The following CD86 variants were observed in gnomAD, a reference collection of about 807,000 sequenced individuals.
CD86 encodes the protein T-lymphocyte activation antigen CD86.
In CD86, 11 loss-of-function variants were observed where a neutral mutation model predicts 32.1. The ratio of observed to expected loss-of-function variants is 0.34; its 90% CI spans 0.22 to 0.57. The LOEUF (loss-of-function observed/expected upper bound fraction) is 0.57. Among genes scored for constraint, CD86 ranks in the 20% least tolerant of loss-of-function variants. The pLI, the probability that CD86 is intolerant of heterozygous loss-of-function variation, is 0.86. For synonymous variants in CD86, 137 were observed against 135.3 expected, an observed-to-expected ratio of 1.01 and a Z score of -0.09; for missense variants, 359 against 398.4, an observed-to-expected ratio of 0.90 and a Z score of 0.84.
chr3:122,070,206 A>G (rs1338175050), intron 1 of CD86, among the ~76,000 whole-genome samples: 2 of 152,186 alleles, frequency 1.3e-5, no homozygotes, highest in Non-Finnish European at 2.9e-5. Context: ...AGACATCTAG[A>G]CAAAAATGTG....
chr3:122,073,655 G>A (rs2072519603), intron 1 of CD86, among the ~76,000 whole-genome samples: 1 of 152,150 alleles, frequency 6.6e-6, no homozygotes, highest in East Asian at 1.9e-4. Flanking sequence ...AGTCCTGGGG[G>A]CTGTGGTTGA....
Position 122,103,688 on chromosome 3 carries a change from A to G in CD86, c.241A>G (p.Lys81Glu), listed in dbSNP as rs371444245. The change falls in exon 3 of 7, where the codon AAG (lysine) becomes GAG (glutamate). Residue 81 changes from lysine (K) to glutamate (E), a missense_variant. Physicochemically the swap from Lys to Glu is moderately conservative, Grantham distance 56 (BLOSUM62 1). Coordinates refer to ENST00000330540, the MANE Select transcript of CD86 (RefSeq NM_175862.5). ...AGAGAAATTTGACAGTGTTCATTCC[A>G]AGTATATGGGCCGCACAAGTTTTGA... ...GKEKFDSVHS[K>E]YMGRTSFDSD... The G allele has an allele frequency of 3.7e-6, 6 of 1,613,946 alleles. No individual in the cohort carries two copies. The highest frequency in any genetic ancestry group is 5.1e-6 in the Non-Finnish European group (6 of 1,179,948).
chr3:122,103,493 C>A lies in CD86; in HGVS notation c.65-19C>A, dbSNP rs1462250687. On this transcript the variant is annotated intron_variant, in intron 2 of 6. Coordinates refer to ENST00000330540, the MANE Select transcript of CD86 (RefSeq NM_175862.5). The stretch of plus-strand genomic sequence containing the variant: ...TTCCTCTTGTTTCTCCCTCCCTAAT[C>A]CTTAACCTTCTTTTTTAGGTGCTGC... 2.5e-6 allele frequency: 4 copies of A among 1,572,818 alleles called. No homozygotes were observed. Among genetic ancestry groups the A allele is most frequent in the Non-Finnish European group, 3.5e-6 (4 of 1,153,688 alleles).
At chr3:122,098,249 T>A (rs2072940013) in intron 2 of CD86, among the ~76,000 whole-genome samples, 1 of 152,212 alleles carries the variant, frequency 6.6e-6, no homozygotes, top group South Asian at 2.1e-4. Flanking sequence ...CAGGATGCTA[T>A]CTTCAATAGA....
chr3:122,099,212 G>A (rs2072957802), intron 2 of CD86, among the ~76,000 whole-genome samples: 4 of 152,148 alleles, frequency 2.6e-5, no homozygotes. Flanking sequence ...GCATTTCAAT[G>A]AGGAGAGATG....
chr3:122,100,596 G>A (rs1040758661), intron 2 of CD86, among the ~76,000 whole-genome samples: 4 of 152,164 alleles, frequency 2.6e-5, no homozygotes, highest in Non-Finnish European at 5.9e-5. Flanking sequence ...TAGCAGCCAG[G>A]GAACACTGAA....
chr3:122,059,917 G>A (rs1222654722), intron 1 of CD86, among the ~76,000 whole-genome samples: 3 of 152,212 alleles, frequency 2.0e-5, no homozygotes, highest in Non-Finnish European at 4.4e-5. Context: ...ATACAAGCCA[G>A]AGAGAAAGGC....
At chr3:122,062,321 G>A (rs906956051) in intron 1 of CD86, among the ~76,000 whole-genome samples, 2 of 152,240 alleles carry the variant, frequency 1.3e-5, no homozygotes, top group African/African-American at 4.8e-5. Context: ...ACAATATCAA[G>A]AGTCTTAAAA....
intron 1 of CD86, among the ~76,000 whole-genome samples, chr3:122,079,943 A>C (rs532485111): frequency 5.3e-5 from 8 of 152,080 alleles, no homozygotes; most frequent in East Asian, 3.9e-4. Flanking sequence ...AACAAAAAAA[A>C]CCCTCTTCCT....
Position 122,103,865 on chromosome 3 carries a change from T to C in CD86, c.400+18T>C. 1.9e-6 allele frequency: 3 copies of C among 1,585,358 alleles called. No homozygotes were observed. The highest frequency in any genetic ancestry group is 2.6e-6 in the Non-Finnish European group (3 of 1,157,238). On this transcript the variant is annotated intron_variant, in intron 3 of 6. Coordinates refer to ENST00000330540, the MANE Select transcript of CD86 (RefSeq NM_175862.5). Reference sequence around the variant, plus strand: ...AGTGCTTGGTATGTGGTCAATGGTGTGTGTTCAGATTCTTAGCCTTCTCAG... The same window carrying C: ...AGTGCTTGGTATGTGGTCAATGGTGCGTGTTCAGATTCTTAGCCTTCTCAG...
At chr3:122,084,218 C>T (rs563675100) in intron 1 of CD86, among the ~76,000 whole-genome samples, 2 of 152,206 alleles carry the variant, frequency 1.3e-5, no homozygotes, top group South Asian at 2.1e-4. Flanking sequence ...AACTCCTGAC[C>T]TCAGGTAATC....
chr3:122,068,778 T>G (rs888225484), intron 1 of CD86, among the ~76,000 whole-genome samples: 2 of 152,234 alleles, frequency 1.3e-5, no homozygotes, highest in African/African-American at 2.4e-5. Context: ...GTTCTGAGAT[T>G]GTAAGATTAG....
intron 1 of CD86, chr3:122,077,921 G>A (rs9282641): frequency 0.082 from 81,180 of 985,330 alleles, 3,529 homozygotes; most frequent in Middle Eastern, 0.11. Context: ...TAGGAGGTAC[G>A]GGGAGCTCGC....
intron 1 of CD86, among the ~76,000 whole-genome samples, chr3:122,070,983 A>C (rs2072481540): frequency 6.6e-6 from 1 of 152,108 alleles, no homozygotes; most frequent in Non-Finnish European, 1.5e-5. Flanking sequence ...TTATTTTTAG[A>C]ACAGTTTTAG....
At chr3:122,098,622 G>A (rs1576778370) in intron 2 of CD86, among the ~76,000 whole-genome samples, 1 of 152,200 alleles carries the variant, frequency 6.6e-6, no homozygotes, top group African/African-American at 2.4e-5. Context: ...GATTGGAGCT[G>A]TATTTTTAAG....
At chr3:122,070,782 G>A (rs1576760510) in intron 1 of CD86, among the ~76,000 whole-genome samples, 1 of 152,120 alleles carries the variant, frequency 6.6e-6, no homozygotes, top group Non-Finnish European at 1.5e-5. Context: ...TTGCAGCAAC[G>A]TTCTATGTAT....
In CD86 at chr3:122,119,525, A is replaced by G. The variant is rs751108821; in HGVS notation, c.981A>G (p.Thr327=). 4 of 1,585,786 alleles carry G rather than the reference A, an allele frequency of 2.5e-6. No homozygotes were observed. Among genetic ancestry groups the G allele is most frequent in the Admixed American group, 1.7e-5 (1 of 59,860 alleles). ...CATCTTCATGCGACAAAAGTGATAC[A>G]TGTTTTTAATTAAAGAGTAAAGCCC... ...SKTSSCDKSD[T]CF The change falls in exon 7 of 7, where the codon ACA becomes ACG. Residue 327 remains threonine, a synonymous_variant. Coordinates refer to ENST00000330540, the MANE Select transcript of CD86 (RefSeq NM_175862.5).
rs578019687 is a variant in CD86, at chr3:122,061,725, T to C, written c.14+6222T>C. On this transcript the variant is annotated intron_variant, in intron 1 of 6. Coordinates refer to ENST00000330540, the MANE Select transcript of CD86 (RefSeq NM_175862.5). ...GGCAGGATGCGGAGAAACTGGATCATGCATACATTGCTTGTTGGGAATGTA... is the reference window on the plus strand; with the variant it reads ...GGCAGGATGCGGAGAAACTGGATCACGCATACATTGCTTGTTGGGAATGTA... 1.1e-4 allele frequency among the ~76,000 whole-genome samples: 16 copies of C among 152,340 alleles called. No individual in the cohort carries two copies. The East Asian group carries it at 3.1e-3, about 29-fold the overall frequency.
chr3:122,113,610 A>G (rs1238770044), intron 5 of CD86, among the ~76,000 whole-genome samples: 2 of 152,138 alleles, frequency 1.3e-5, no homozygotes, highest in Admixed American at 1.3e-4. Flanking sequence ...AGTTAGTGAT[A>G]TTGAACTTTT....
Sources: gnomAD v4.1 joint callset for allele counts (sites outside exome capture counted in the v4.1 genomes callset) on GRCh38, gnomAD v4.1.1 for gene constraint, MANE v1.5 for transcripts, NCBI Gene and HGNC (gene_info 2026-07-23, HGNC 2026-07-21) for gene names.